Variants in CACNA1B observed in about 807,000 individuals in gnomAD.
CACNA1B encodes the protein voltage-dependent N-type calcium channel subunit alpha-1B.
In CACNA1B, 70 loss-of-function variants were observed where a neutral mutation model predicts 247.2. That is an observed-to-expected ratio of 0.28 (90% CI 0.23 to 0.35). The LOEUF is 0.35. CACNA1B is among the 10% of genes least tolerant of loss of function. The pLI is 1.00. For missense variants in CACNA1B, 2,367 were observed against 3,197.4 expected, an observed-to-expected ratio of 0.74 and a Z score of 6.26; for synonymous variants, 1,231 against 1,294.4, an observed-to-expected ratio of 0.95 and a Z score of 1.05.
intron 20 of CACNA1B, among the ~76,000 whole-genome samples, chr9:138,039,577 G>A (rs1959091538): frequency 6.6e-6 from 1 of 151,876 alleles, no homozygotes; most frequent in Non-Finnish European, 1.5e-5. Flanking sequence ...GAATTCTTTA[G>A]TCTTTTTTTC....
intron 37 of CACNA1B, among the ~76,000 whole-genome samples, chr9:138,099,828 A>C (rs1961194238): frequency 6.6e-6 from 1 of 152,214 alleles, no homozygotes; most frequent in Admixed American, 6.5e-5. Flanking sequence ...TTGTTGCTTC[A>C]ACCCTGTGGT....
intron 44 of CACNA1B, among the ~76,000 whole-genome samples, chr9:138,119,923 A>G (rs1340438269): frequency 6.6e-6 from 1 of 152,058 alleles, no homozygotes; most frequent in Non-Finnish European, 1.5e-5. Context: ...GGTTCTTCCA[A>G]CCAAGCCAGC....
At chr9:138,041,287 T>C (rs1472824643) in intron 20 of CACNA1B, among the ~76,000 whole-genome samples, 1 of 152,162 alleles carries the variant, frequency 6.6e-6, no homozygotes, top group Non-Finnish European at 1.5e-5. Flanking sequence ...CAGTTCAGCC[T>C]CAGTTTCTTA....
rs1057375676 is a variant in CACNA1B, at chr9:138,073,194, G to A, written c.4675-294G>A. Among the ~76,000 whole-genome samples, 4 of 152,182 alleles carry A rather than the reference G, an allele frequency of 2.6e-5. No homozygotes were observed. The highest frequency in any genetic ancestry group is 2.0e-4 in the Admixed American group (3 of 15,286). ...TCACCTGGCAGCAGAGAGATGCCTG[G>A]GAGAACTTTTCTTTCTGTTGCTCAC... On this transcript the variant is annotated intron_variant, in intron 32 of 46. Coordinates refer to ENST00000371372, the MANE Select transcript of CACNA1B (RefSeq NM_000718.4). This position sits in a 1 kb window ranked among gnomAD's most constrained non-coding sequence, Gnocchi z 6.4.
At chr9:138,032,135 G>A (rs1188298778) in intron 20 of CACNA1B, among the ~76,000 whole-genome samples, 1 of 151,664 alleles carries the variant, frequency 6.6e-6, no homozygotes, top group African/African-American at 2.4e-5. Context: ...TTTATCTGTA[G>A]TATTTTTGAG....
In CACNA1B at chr9:138,123,403, A is replaced by G. The variant is rs1382249766; in HGVS notation, c.*1404A>G. Reference sequence around the variant, plus strand: ...AAAGACCATGCTCAGGACACTGTCCAAGGTGCACAAGATGCTGGGAGGTCC... The same window carrying G: ...AAAGACCATGCTCAGGACACTGTCCGAGGTGCACAAGATGCTGGGAGGTCC... On this transcript the variant is annotated 3_prime_UTR_variant, in exon 47 of 47. Coordinates refer to ENST00000371372, the MANE Select transcript of CACNA1B (RefSeq NM_000718.4). The G allele has an allele frequency of 6.6e-6, 1 of 152,372 alleles. No homozygotes were observed. Among genetic ancestry groups the G allele is most frequent in the Non-Finnish European group, 1.5e-5 (1 of 68,118 alleles). The allele number at this position is 152,372 out of a possible 1,614,324, so 9.4% of individuals were successfully genotyped here.
In CACNA1B at chr9:137,974,258, C is replaced by T. The variant is rs187311314; in HGVS notation, c.1544-1649C>T. On this transcript the variant is annotated intron_variant, in intron 11 of 46. Coordinates refer to ENST00000371372, the MANE Select transcript of CACNA1B (RefSeq NM_000718.4). The surrounding 1 kb of genome is among the most constrained non-coding windows in gnomAD (Gnocchi z 4.5). ...CCAGTGGTCTCAGTTGAGGGTGGAT[C>T]CTTCCATTCCCGAGCAGCCCTGCCT... Among the ~76,000 whole-genome samples the T allele has an allele frequency of 6.6e-6, 1 of 152,318 alleles. No homozygotes were observed. The highest frequency in any genetic ancestry group is 1.9e-4 in the East Asian group (1 of 5,182).
chr9:137,900,183 C>T (rs767721217), intron 3 of CACNA1B, among the ~76,000 whole-genome samples: 6 of 152,156 alleles, frequency 3.9e-5, no homozygotes, highest in Non-Finnish European at 5.9e-5. Flanking sequence ...GCAGGGTGCC[C>T]CCCTGGCCCA....
intron 40 of CACNA1B, among the ~76,000 whole-genome samples, chr9:138,113,792 C>G (rs111308158): frequency 7.4e-6 from 1 of 135,442 alleles, no homozygotes; most frequent in Non-Finnish European, 1.6e-5. Context: ...GTGCCCAACT[C>G]CATCTTGTGG....
At chr9:137,894,302 A>ATTTTTTTTTT (rs56794355) in intron 3 of CACNA1B, among the ~76,000 whole-genome samples, 35 of 96,040 alleles carry the variant, frequency 3.6e-4, no homozygotes, top group Non-Finnish European at 3.6e-4. Flanking sequence ...TTGTCTCTGT[A>ATTTTTTTTTT]TTTTTTTTTT....
At chr9:138,076,025 C>T in intron 35 of CACNA1B, 115 bp downstream of exon 35, 1 of 695,698 alleles carries the variant, frequency 1.4e-6, no homozygotes, top group Non-Finnish European at 2.6e-6. Flanking sequence ...AATTCCCCGA[C>T]CCCACTGGCT....
chr9:138,039,695 G>A (rs1286163228), intron 20 of CACNA1B, among the ~76,000 whole-genome samples: 1 of 152,032 alleles, frequency 6.6e-6, no homozygotes, highest in Admixed American at 6.6e-5. Flanking sequence ...AACATGATCT[G>A]TATGATAGTT....
chr9:138,026,148 C>T (rs768833582), intron 20 of CACNA1B, among the ~76,000 whole-genome samples: 8 of 152,232 alleles, frequency 5.3e-5, no homozygotes, highest in Non-Finnish European at 8.8e-5. Context: ...GACATTCTCT[C>T]TTGCTCAGGT....
At chr9:138,115,413 C>T in intron 41 of CACNA1B, 139 bp from the exon 42 acceptor site, 1 of 860,788 alleles carries the variant, frequency 1.2e-6, no homozygotes, top group Non-Finnish European at 1.8e-6. Flanking sequence ...TAAGCGGCCC[C>T]TTGCTAAGGG....
At chr9:138,032,372 GTATGT>G (rs1958997714) in intron 20 of CACNA1B, among the ~76,000 whole-genome samples, 1 of 152,128 alleles carries the variant, frequency 6.6e-6, no homozygotes, top group Admixed American at 6.5e-5. Context: ...CCACATCAGA[GTATGT>G]TATAATTTTT....
rs1962025362 is a variant in CACNA1B, at chr9:138,120,058, G to A, written c.6031-107G>A. The A allele has an allele frequency of 2.7e-5, 25 of 910,926 alleles. No homozygotes were observed. The South Asian group carries it at 3.4e-4, about 12-fold the overall frequency. 56.4% of individuals were successfully genotyped at this position (910,926 alleles called of 1,614,324 possible). ...CTTCTGACTGTGAGACCAGGATGGG[G>A]GGCGTGTGGGCCTGCTGTCTGGCCT... On this transcript the variant is annotated intron_variant, in intron 44 of 46. Transcript: ENST00000371372.
chr9:137,961,231 T>A (rs1958018160), intron 10 of CACNA1B, among the ~76,000 whole-genome samples: 1 of 152,228 alleles, frequency 6.6e-6, no homozygotes, highest in African/African-American at 2.4e-5. Flanking sequence ...TGCTGGCGAT[T>A]TTTGAACATT....
intron 10 of CACNA1B, among the ~76,000 whole-genome samples, chr9:137,960,434 C>CGCCAGGTG (rs1327340371): frequency 5.8e-5 from 1 of 17,252 alleles, no homozygotes; most frequent in Non-Finnish European, 1.2e-4. Flanking sequence ...GCCTGAGAGA[C>CGCCAGGTG]GGAGGGGGAG....
At chr9:137,994,646 C>A (rs1056231458) in intron 15 of CACNA1B, among the ~76,000 whole-genome samples, 1 of 152,122 alleles carries the variant, frequency 6.6e-6, no homozygotes, top group African/African-American at 2.4e-5. Flanking sequence ...TAGGAATATA[C>A]CTAACCAAGG....
Sources: allele counts gnomAD v4.1 joint callset (sites outside exome capture counted in the v4.1 genomes callset), GRCh38; gene constraint gnomAD v4.1.1; non-coding constraint Gnocchi (gnomAD v3.1); transcripts MANE v1.5; gene names NCBI Gene and HGNC (gene_info 2026-07-23, HGNC 2026-07-21).